The following GALNT13 variants were observed in gnomAD, a reference collection of about 807,000 sequenced individuals.
GALNT13 encodes polypeptide N-acetylgalactosaminyltransferase 13.
Under a neutral mutation model 64.2 loss-of-function variants are expected in GALNT13, and 28 were observed. That is an observed-to-expected ratio of 0.44 (90% confidence interval 0.32 to 0.60). The LOEUF (loss-of-function observed/expected upper bound fraction) is 0.60, where lower values mean the gene tolerates loss of function less well. Ranked by LOEUF, GALNT13 falls within the 20% of genes least tolerant of loss-of-function variation. The probability of loss-of-function intolerance (pLI) is 0.05; values close to 1 mark genes in which losing one functional copy is unlikely to be tolerated. For synonymous variants in GALNT13, 214 were observed against 224.6 expected, an observed-to-expected ratio of 0.95 and a Z score of 0.42; for missense variants, 577 against 669.8, an observed-to-expected ratio of 0.86 and a Z score of 1.53.
At chr2:153,856,012 A>G in the GALNT13 span, among the ~76,000 whole-genome samples, 5 of 152,154 alleles carry the variant, frequency 3.3e-5, no homozygotes, top group African/African-American at 1.2e-4. Flanking sequence ...GTAAGTGCAG[A>G]ATAGGCAAAT....
the GALNT13 span, among the ~76,000 whole-genome samples, chr2:153,382,085 G>C: frequency 6.6e-6 from 1 of 152,064 alleles, no homozygotes; most frequent in South Asian, 2.1e-4. Context: ...ACATCTTGAG[G>C]TGATTCTCAG....
chr2:153,489,935 A>G, the GALNT13 span, among the ~76,000 whole-genome samples: 1 of 151,980 alleles, frequency 6.6e-6, no homozygotes, highest in Admixed American at 6.6e-5. Flanking sequence ...AGTGAGATAT[A>G]ATCACACCCC....
chr2:154,285,380 A>G (rs1002014523), intron 8 of GALNT13, among the ~76,000 whole-genome samples: 2 of 152,060 alleles, frequency 1.3e-5, no homozygotes, highest in East Asian at 1.9e-4. Context: ...ATTTTATCCA[A>G]TTTGAGTTGA....
chr2:153,691,003 C>G, the GALNT13 span, among the ~76,000 whole-genome samples: 1 of 152,084 alleles, frequency 6.6e-6, no homozygotes, highest in Admixed American at 6.6e-5. Flanking sequence ...AATGGGTAGA[C>G]CAGACTTGAA....
intron 3 of GALNT13, among the ~76,000 whole-genome samples, chr2:153,996,095 C>T (rs1364638471): frequency 6.6e-6 from 1 of 152,118 alleles, no homozygotes; most frequent in East Asian, 1.9e-4. Flanking sequence ...GCTTAAATTG[C>T]TTCCATCTCT....
chr2:154,242,569 C>A (rs1689551410), intron 5 of GALNT13, 129 bp from the exon 6 acceptor site: 2 of 630,170 alleles, frequency 3.2e-6, no homozygotes, highest in East Asian at 2.7e-5. Context: ...TATTTTATAT[C>A]TAAGGCAGTA....
chr2:153,430,234 G>A, the GALNT13 span, among the ~76,000 whole-genome samples: 1 of 151,938 alleles, frequency 6.6e-6, no homozygotes, highest in Non-Finnish European at 1.5e-5. Flanking sequence ...GAAACAAATG[G>A]AGGCATAATT....
chr2:154,256,581 G>A (rs1339993134), intron 7 of GALNT13, among the ~76,000 whole-genome samples: 1 of 152,034 alleles, frequency 6.6e-6, no homozygotes. Context: ...TATAGAGAGA[G>A]AGGAGCCCAA....
At chr2:153,170,779 A>G in the GALNT13 span, among the ~76,000 whole-genome samples, 7 of 152,304 alleles carry the variant, frequency 4.6e-5, no homozygotes, top group South Asian at 8.3e-4. Context: ...TGACAGACTG[A>G]TTTTAAGTCA....
chr2:153,930,950 C>T (rs1400293323), intron 2 of GALNT13, among the ~76,000 whole-genome samples: 1 of 152,018 alleles, frequency 6.6e-6, no homozygotes, highest in Non-Finnish European at 1.5e-5. Flanking sequence ...TCTTCCTTCT[C>T]ATGAGCATAG....
At chr2:153,746,374 G>GAT in the GALNT13 span, among the ~76,000 whole-genome samples, 52 of 152,216 alleles carry the variant, frequency 3.4e-4, no homozygotes, top group African/African-American at 1.2e-3. Flanking sequence ...GTTTTGTTGT[G>GAT]ATATATATAT....
chr2:153,141,165 T>C, the GALNT13 span, among the ~76,000 whole-genome samples: 1 of 152,058 alleles, frequency 6.6e-6, no homozygotes, highest in East Asian at 1.9e-4. Flanking sequence ...AGCATAATGT[T>C]TTCTAGATTC....
the GALNT13 span, among the ~76,000 whole-genome samples, chr2:153,212,719 G>A: frequency 3.9e-4 from 60 of 152,184 alleles, no homozygotes; most frequent in Admixed American, 3.9e-3. Flanking sequence ...GCTTTCTATG[G>A]TGGGAATCAA....
At chr2:153,903,655 T>G (rs767897796) in intron 2 of GALNT13, among the ~76,000 whole-genome samples, 21 of 151,940 alleles carry the variant, frequency 1.4e-4, no homozygotes, top group Non-Finnish European at 1.2e-4. Context: ...TTAAATGAGA[T>G]AAATCACCTA....
At chr2:153,330,612 A>AT in the GALNT13 span, among the ~76,000 whole-genome samples, 107 of 147,144 alleles carry the variant, frequency 7.3e-4, no homozygotes, top group South Asian at 1.1e-3. Flanking sequence ...TTGTACATTG[A>AT]TTTTTTTTTT....
intron 11 of GALNT13, among the ~76,000 whole-genome samples, chr2:154,410,693 T>C (rs931968321): frequency 6.6e-6 from 1 of 151,836 alleles, no homozygotes; most frequent in Non-Finnish European, 1.5e-5. Flanking sequence ...ACCAAGATAT[T>C]GGGGAGACAT....
At chr2:153,076,668 T>C in the GALNT13 span, among the ~76,000 whole-genome samples, 1 of 121,584 alleles carries the variant, frequency 8.2e-6, no homozygotes, top group African/African-American at 2.5e-5. Context: ...ATGATCACAA[T>C]GGATTGTATT....
At chr2:154,412,784 A>C (rs548721856) in intron 11 of GALNT13, among the ~76,000 whole-genome samples, 1 of 151,978 alleles carries the variant, frequency 6.6e-6, no homozygotes, top group Admixed American at 6.6e-5. Context: ...ATTATTATTC[A>C]ATTCAACATG....
chr2:154,381,742 C>A (rs1262542431), intron 9 of GALNT13, among the ~76,000 whole-genome samples: 1 of 152,038 alleles, frequency 6.6e-6, no homozygotes, highest in East Asian at 1.9e-4. Flanking sequence ...TGTGAAAGGT[C>A]ATTTTCTAAT....
Sources: gnomAD v4.1 joint callset for allele counts (sites outside exome capture counted in the v4.1 genomes callset) on GRCh38, gnomAD v4.1.1 for gene constraint, MANE v1.5 for transcripts, NCBI Gene and HGNC (gene_info 2026-07-23, HGNC 2026-07-21) for gene names.